The following ROCK2 variants were observed in gnomAD, a reference collection of about 807,000 sequenced individuals.
ROCK2 encodes the protein Rho associated coiled-coil containing protein kinase 2.
In ROCK2, 61 loss-of-function variants were observed where a neutral mutation model predicts 195.1. That is an observed-to-expected ratio of 0.31 (90% confidence interval 0.25 to 0.39). The LOEUF is 0.39. Ranked by LOEUF, ROCK2 falls within the 10% of genes least tolerant of loss-of-function variation. The pLI is 1.00. For synonymous variants in ROCK2, 504 were observed against 545.5 expected, an observed-to-expected ratio of 0.92 and a Z score of 1.06; for missense variants, 1,109 against 1,637.4, an observed-to-expected ratio of 0.68 and a Z score of 5.57.
At chr2:11,325,183 A>G (rs980334764) in intron 1 of ROCK2, among the ~76,000 whole-genome samples, 7 of 152,236 alleles carry the variant, frequency 4.6e-5, no homozygotes, top group African/African-American at 1.7e-4. Context: ...CAATAAGTAC[A>G]GTCAGTTCTC....
Position 11,317,612 on chromosome 2 carries a change from A to ATCTATATATATATATATATTTTTTTTT in ROCK2, c.141+26383_141+26384insAAAAAAAAATATATATATATATATAGA, listed in dbSNP as rs59701503. On this transcript the variant is annotated intron_variant, in intron 1 of 32. Transcript: ENST00000315872. ...TATATATATATATATATATATATAT[A>ATCTATATATATATATATATTTTTTTTT]TTTTTTTTTTTTTTTAATTATACTT... 1.0e-4 allele frequency among the ~76,000 whole-genome samples: 2 copies of ATCTATATATATATATATATTTTTTTTT among 19,318 alleles called. 1 individual carries two copies. Among genetic ancestry groups the ATCTATATATATATATATATTTTTTTTT allele is most frequent in the African/African-American group, 3.2e-4 (2 of 6,272 alleles). 12.7% of individuals were successfully genotyped at this position (19,318 alleles called of 152,430 possible).
intron 3 of ROCK2, among the ~76,000 whole-genome samples, chr2:11,280,886 A>G (rs1666978901): frequency 1.3e-5 from 2 of 152,214 alleles, no homozygotes; most frequent in East Asian, 3.8e-4. Context: ...TGTAGAGGGA[A>G]TATTTCCAGA....
chr2:11,231,582 A>C (rs1558311818), intron 5 of ROCK2, among the ~76,000 whole-genome samples: 1 of 152,188 alleles, frequency 6.6e-6, no homozygotes, highest in African/African-American at 2.4e-5. Flanking sequence ...AATGCATGAC[A>C]CGCAAAGAGT....
intron 1 of ROCK2, among the ~76,000 whole-genome samples, chr2:11,314,992 T>C (rs1381445073): frequency 6.6e-6 from 1 of 152,016 alleles, no homozygotes; most frequent in African/African-American, 2.4e-5. Context: ...TAAGTTCAAT[T>C]TGTCAAACAA....
At chr2:11,187,224 G>T (rs1663231389) in intron 32 of ROCK2, among the ~76,000 whole-genome samples, 1 of 152,146 alleles carries the variant, frequency 6.6e-6, no homozygotes, top group Admixed American at 6.5e-5. Context: ...GTTACCAGTG[G>T]TGAACCACAG....
chr2:11,240,725 C>T (rs1665393830), intron 4 of ROCK2, among the ~76,000 whole-genome samples: 1 of 152,320 alleles, frequency 6.6e-6, no homozygotes, highest in Non-Finnish European at 1.5e-5. Flanking sequence ...CTAAAACTCA[C>T]TAAAGCATAC....
At chr2:11,322,837 T>C (rs1057489570) in intron 1 of ROCK2, among the ~76,000 whole-genome samples, 4 of 152,168 alleles carry the variant, frequency 2.6e-5, no homozygotes, top group African/African-American at 9.7e-5. Flanking sequence ...CGCGTTCCAT[T>C]TCCTCCCTAG....
intron 8 of ROCK2, among the ~76,000 whole-genome samples, chr2:11,221,680 G>A (rs887050872): frequency 6.6e-6 from 1 of 152,020 alleles, no homozygotes; most frequent in South Asian, 2.1e-4. Context: ...ATGAATCAAT[G>A]TCATATATAC....
rs1489627007 is a variant in ROCK2 at position 11,200,937 on chromosome 2, G to A, written c.2910+20C>T. The stretch of plus-strand genomic sequence containing the variant: ...AGCAATTTAACTATAATCCAAAAAA[G>A]CACCAAGAATTTGACTTACAGAAGC... On this transcript the variant is annotated intron_variant, in intron 23 of 32. Coordinates refer to ENST00000315872, the MANE Select transcript of ROCK2 (RefSeq NM_004850.5). The A allele has an allele frequency of 6.4e-7, 1 of 1,571,806 alleles. No individual in the cohort carries two copies. The highest frequency in any genetic ancestry group is 8.6e-7 in the Non-Finnish European group (1 of 1,162,174).
In ROCK2 at chr2:11,193,588, C is replaced by T. The variant is rs189459701; in HGVS notation, c.3687+191G>A. 8.5e-4 allele frequency among the ~76,000 whole-genome samples: 129 copies of T among 152,098 alleles called. 1 individual carries two copies. The highest frequency in any genetic ancestry group is 3.0e-3 in the African/African-American group (123 of 41,492). On this transcript the variant is annotated intron_variant, in intron 30 of 32. Transcript: ENST00000315872. ...AATAAAATGGAGAAAGGAATGAAAA[C>T]GTTCCCAAACAGAATTAAGCACAAA...
At chr2:11,315,337 T>C (rs1487967061) in intron 1 of ROCK2, among the ~76,000 whole-genome samples, 2 of 151,986 alleles carry the variant, frequency 1.3e-5, no homozygotes, top group Non-Finnish European at 2.9e-5. Context: ...GAGTGTTTTG[T>C]TGTTGTTGTT....
chr2:11,211,839 T>C lies in ROCK2; in HGVS notation c.2045A>G (p.Glu682Gly). The change falls in exon 18 of 33, where the codon GAA becomes GGA. Residue 682 changes from glutamate (E) to glycine (G), a missense_variant and splice_region_variant. This residue lies in a region of ROCK2 where 542 missense variants were observed against 672.0 expected (regional missense o/e 0.81). Transcript: ENST00000315872. The stretch of plus-strand genomic sequence containing the variant: ...CATATCTATTTCCATGTTGCTTTTT[T>C]CCTATTAAATATTTAAAATGCAGCT... ...LQERFTDLEK[E>G]KSNMEIDMTY... 1 of 1,573,822 alleles carries C rather than the reference T, an allele frequency of 6.4e-7. No individual in the cohort carries two copies. Among genetic ancestry groups the C allele is most frequent in the Non-Finnish European group, 8.6e-7 (1 of 1,164,448 alleles).
upstream of ROCK2, among the ~76,000 whole-genome samples, chr2:11,345,004 C>G (rs538807716): frequency 6.6e-6 from 1 of 151,104 alleles, no homozygotes; most frequent in Non-Finnish European, 1.5e-5. Flanking sequence ...CCCAGCGCAC[C>G]GTGCGCTGGG....
chr2:11,294,650 A>G lies in ROCK2; in HGVS notation c.142-6914T>C, dbSNP rs1572373456. Among the ~76,000 whole-genome samples the G allele has an allele frequency of 4.6e-5, 7 of 152,278 alleles. 1 individual carries two copies. The South Asian group carries it at 1.5e-3, about 32-fold the overall frequency. ...TTTTTTCTTCTAAAATATTAAGTTG[A>G]TGGGAAGATATGAATCAAATTGCAT... On this transcript the variant is annotated intron_variant, in intron 1 of 32. Coordinates refer to ENST00000315872, the MANE Select transcript of ROCK2 (RefSeq NM_004850.5).
chr2:11,252,588 T>G (rs1195614215), intron 3 of ROCK2, among the ~76,000 whole-genome samples: 1 of 152,134 alleles, frequency 6.6e-6, no homozygotes, highest in Non-Finnish European at 1.5e-5. Flanking sequence ...AAACAAAATG[T>G]GGCACATATA....
At chr2:11,229,168 A>G (rs1272769168) in intron 5 of ROCK2, among the ~76,000 whole-genome samples, 1 of 152,150 alleles carries the variant, frequency 6.6e-6, no homozygotes, top group South Asian at 2.1e-4. Context: ...TACTAATAGT[A>G]AACTATATTC....
At chr2:11,311,968 T>C (rs1668049944) in intron 1 of ROCK2, among the ~76,000 whole-genome samples, 1 of 152,166 alleles carries the variant, frequency 6.6e-6, no homozygotes, top group Non-Finnish European at 1.5e-5. Flanking sequence ...TTTTTCCTCA[T>C]TTACTTCAAC....
In ROCK2 at chr2:11,183,433, G is replaced by A. The variant is rs773083259; in HGVS notation, c.*4C>T. ...TGAATAATGACTGCTTTCATAGAAG[G>A]CAGTTAGCTGAAAAGAAAGGAAAAA... On this transcript the variant is annotated 3_prime_UTR_variant, in exon 33 of 33. Coordinates refer to ENST00000315872, the MANE Select transcript of ROCK2 (RefSeq NM_004850.5). 3.1e-6 allele frequency: 5 copies of A among 1,594,502 alleles called. No individual in the cohort carries two copies. The Admixed American group carries it at 5.2e-5, about 16-fold the overall frequency.
rs536327820 is a variant in ROCK2 at position 11,286,808 on chromosome 2, C to A, written c.224-169G>T. Among the ~76,000 whole-genome samples the A allele has an allele frequency of 7.9e-5, 12 of 152,186 alleles. No homozygotes were observed. The East Asian group carries it at 2.3e-3, about 29-fold the overall frequency. ...TAAGATATACATTAACGTTAAAGAA[C>A]CAAAACTCTCTATGGTTTATTAACA... On this transcript the variant is annotated intron_variant, in intron 2 of 32. Coordinates refer to ENST00000315872, the MANE Select transcript of ROCK2 (RefSeq NM_004850.5).
Sources: gnomAD v4.1 joint callset for allele counts (sites outside exome capture counted in the v4.1 genomes callset) on GRCh38, gnomAD v4.1.1 for gene constraint, gnomAD v4.1.1 regional missense constraint, MANE v1.5 for transcripts, NCBI Gene and HGNC (gene_info 2026-07-23, HGNC 2026-07-21) for gene names.